Variants in TMEM45A observed in about 807,000 individuals in gnomAD.
The protein encoded by TMEM45A is transmembrane protein 45A, also known as DNA polymerase-transactivated protein 4.
Under a neutral mutation model 32.0 loss-of-function variants are expected in TMEM45A, and 25 were observed. The observed-to-expected ratio is 0.78, with a 90% CI of 0.57 to 1.09. The LOEUF is 1.09. Among genes scored for constraint, TMEM45A ranks in the 50% least tolerant of loss-of-function variants. The pLI is 0.00. For missense variants in TMEM45A, 302 were observed against 325.0 expected, an observed-to-expected ratio of 0.93 and a Z score of 0.54; for synonymous variants, 122 against 114.8, an observed-to-expected ratio of 1.06 and a Z score of -0.40.
intron 1 of TMEM45A, among the ~76,000 whole-genome samples, chr3:100,506,712 T>C (rs1708085276): frequency 6.6e-6 from 1 of 152,240 alleles, no homozygotes; most frequent in Non-Finnish European, 1.5e-5. Context: ...AGATATTGGC[T>C]AATTACATTG....
intron 5 of TMEM45A, among the ~76,000 whole-genome samples, chr3:100,570,328 T>C (rs1706533099): frequency 6.6e-6 from 1 of 152,208 alleles, no homozygotes; most frequent in Admixed American, 6.5e-5. Context: ...CCTCCTGCTC[T>C]GTGCTTCTTT....
chr3:100,514,867 C>A (rs1708234059), intron 1 of TMEM45A, among the ~76,000 whole-genome samples: 1 of 148,942 alleles, frequency 6.7e-6, no homozygotes, highest in South Asian at 2.2e-4. Flanking sequence ...CCAAAAAACA[C>A]ATGAAAAAAT....
Position 100,568,890 on chromosome 3 carries a change from G to A in TMEM45A, c.657G>A (p.Leu219=). ...ATCTGATGGATCATGAAAATATTTT[G>A]TTTCTCACCATATGCTTTTGTTGGC... The part of the protein sequence containing the change: ...AWDLMDHENI[L]FLTICFCWHY... The change falls in exon 5 of 6, where the codon TTG becomes TTA. Residue 219 remains leucine (L), a synonymous_variant. Coordinates refer to ENST00000323523, the MANE Select transcript of TMEM45A (RefSeq NM_018004.3). 1 of 1,613,820 alleles carries A rather than the reference G, an allele frequency of 6.2e-7. No individual in the cohort carries two copies. Among genetic ancestry groups the A allele is most frequent in the Non-Finnish European group, 8.5e-7 (1 of 1,179,822 alleles).
chr3:100,514,765 C>G (rs1206590021), intron 1 of TMEM45A, among the ~76,000 whole-genome samples: 1 of 152,002 alleles, frequency 6.6e-6, no homozygotes, highest in Non-Finnish European at 1.5e-5. Context: ...ACAATGAACT[C>G]TAACAAATTT....
chr3:100,519,705 G>T, intron 1 of TMEM45A: 2 of 1,237,498 alleles, frequency 1.6e-6, no homozygotes, highest in Non-Finnish European at 2.3e-6. Flanking sequence ...TGACTGTACC[G>T]TGTATTTATG....
At chr3:100,529,784 C>G (rs145835178) in intron 1 of TMEM45A, among the ~76,000 whole-genome samples, 1 of 152,158 alleles carries the variant, frequency 6.6e-6, no homozygotes, top group African/African-American at 2.4e-5. Context: ...TTATGCCTAA[C>G]TTTTGTATTT....
intron 1 of TMEM45A, among the ~76,000 whole-genome samples, chr3:100,513,056 A>G (rs1455288356): frequency 8.5e-4 from 127 of 148,994 alleles, no homozygotes; most frequent in African/African-American, 2.9e-3. Flanking sequence ...ACAAGGAGGA[A>G]CTGGTACCAT....
chr3:100,548,040 G>A (rs549402410), intron 1 of TMEM45A, among the ~76,000 whole-genome samples: 1 of 152,274 alleles, frequency 6.6e-6, no homozygotes, highest in African/African-American at 2.4e-5. Flanking sequence ...AACATTGAGA[G>A]GGGTTGGTAG....
At chr3:100,557,732 T>C (rs1207657912) in intron 3 of TMEM45A, among the ~76,000 whole-genome samples, 1 of 152,206 alleles carries the variant, frequency 6.6e-6, no homozygotes, top group Non-Finnish European at 1.5e-5. Context: ...TGTCAACAAC[T>C]AATAGCCCGG....
At chr3:100,521,913 T>C (rs1425540018) in intron 1 of TMEM45A, among the ~76,000 whole-genome samples, 2 of 152,228 alleles carry the variant, frequency 1.3e-5, no homozygotes, top group African/African-American at 4.8e-5. Flanking sequence ...TTTATTTTTA[T>C]ACGTTTGCTT....
chr3:100,518,510 T>C (rs557714983), intron 1 of TMEM45A, among the ~76,000 whole-genome samples: 42 of 152,350 alleles, frequency 2.8e-4, no homozygotes, highest in Non-Finnish European at 5.7e-4. Context: ...TTTTAAAATC[T>C]TGGTTTACTT....
chr3:100,547,534 AG>A (rs372203926), intron 1 of TMEM45A, among the ~76,000 whole-genome samples: 312 of 152,232 alleles, frequency 2.0e-3, no homozygotes, highest in African/African-American at 7.2e-3. Flanking sequence ...ATCATCATAA[AG>A]GTCTTCATCC....
chr3:100,499,279 C>T (rs1000972598), intron 1 of TMEM45A, among the ~76,000 whole-genome samples: 105 of 152,094 alleles, frequency 6.9e-4, no homozygotes, highest in Non-Finnish European at 1.2e-3. Flanking sequence ...ATTCAATGTC[C>T]TGAAGCTTTT....
intron 1 of TMEM45A, among the ~76,000 whole-genome samples, chr3:100,498,115 C>CT (rs1707957505): frequency 6.6e-6 from 1 of 152,180 alleles, no homozygotes; most frequent in African/African-American, 2.4e-5. Flanking sequence ...ATAAGGGACT[C>CT]TTTTCCCACT....
chr3:100,495,816 C>G (rs369977788), intron 1 of TMEM45A, among the ~76,000 whole-genome samples: 1 of 152,222 alleles, frequency 6.6e-6, no homozygotes, highest in Non-Finnish European at 1.5e-5. Flanking sequence ...ACCCAGGCTA[C>G]TTTTTGTTAA....
At chr3:100,526,285 T>C (rs767561853) in intron 1 of TMEM45A, among the ~76,000 whole-genome samples, 1 of 152,236 alleles carries the variant, frequency 6.6e-6, no homozygotes, top group Non-Finnish European at 1.5e-5. Flanking sequence ...AGAAGCATGT[T>C]CTACTGCCAG....
intron 1 of TMEM45A, among the ~76,000 whole-genome samples, chr3:100,515,776 C>T (rs926037328): frequency 1.4e-4 from 21 of 151,996 alleles, no homozygotes; most frequent in Admixed American, 5.9e-4. Context: ...CTTACTAATA[C>T]ATGAGAGCTA....
At chr3:100,519,497 A>G (rs1022398931) in intron 1 of TMEM45A, 22 of 1,496,112 alleles carry the variant, frequency 1.5e-5, no homozygotes, top group Middle Eastern at 1.7e-4. Context: ...CAAAGGCTCA[A>G]TTTTGGCTGC....
At chr3:100,504,117 T>C (rs1269239869) in intron 1 of TMEM45A, among the ~76,000 whole-genome samples, 1 of 152,276 alleles carries the variant, frequency 6.6e-6, no homozygotes, top group Admixed American at 6.5e-5. Flanking sequence ...CTGTCTCCTC[T>C]GTGCCTGATC....
Sources: allele counts gnomAD v4.1 joint callset (sites outside exome capture counted in the v4.1 genomes callset), GRCh38; gene constraint gnomAD v4.1.1; transcripts MANE v1.5; gene names NCBI Gene and HGNC (gene_info 2026-07-23, HGNC 2026-07-21).